Variants in EYS observed in about 807,000 individuals in gnomAD.
EYS encodes protein eyes shut homolog.
A neutral mutation model predicts 282.1 loss-of-function variants in EYS; 250 were observed. The observed-to-expected ratio is 0.89, with a 90% CI of 0.80 to 0.98. The LOEUF is 0.98. EYS is among the 50% of genes least tolerant of loss of function. The pLI, the probability that EYS is intolerant of heterozygous loss-of-function variation, is 0.00. For synonymous variants in EYS, 1,355 were observed against 1,282.9 expected (o/e 1.06, Z -1.20); for missense variants, 4,016 against 3,709.0 (o/e 1.08, Z -2.15).
chr6:64,243,854 ATGTAT>A (rs1248587763), intron 30 of EYS, among the ~76,000 whole-genome samples: 2 of 152,228 alleles, frequency 1.3e-5, no homozygotes, highest in African/African-American at 4.8e-5. Flanking sequence ...ATGAATCACA[ATGTAT>A]TGTATCATTT....
chr6:65,682,825 G>C (rs568543733), intron 1 of EYS, among the ~76,000 whole-genome samples: 2 of 151,986 alleles, frequency 1.3e-5, no homozygotes, highest in South Asian at 4.1e-4. Context: ...AGAAAGAAAA[G>C]AAGGTAAAAT....
intron 22 of EYS, among the ~76,000 whole-genome samples, chr6:64,760,380 AG>A (rs1554200667): frequency 2.0e-5 from 3 of 152,118 alleles, no homozygotes. Flanking sequence ...GAAACCCCTC[AG>A]TCCTAGACAC....
intron 30 of EYS, among the ~76,000 whole-genome samples, chr6:64,235,239 C>T (rs577632096): frequency 2.0e-5 from 3 of 147,558 alleles, no homozygotes; most frequent in African/African-American, 7.5e-5. Context: ...TCCCTCCCCC[C>T]TCCCCCTACC....
chr6:65,501,569 G>C (rs1010118340), intron 2 of EYS, among the ~76,000 whole-genome samples: 1 of 151,696 alleles, frequency 6.6e-6, no homozygotes, highest in African/African-American at 2.4e-5. Flanking sequence ...ATTGTAACTG[G>C]AGTAAAGAAT....
At chr6:63,969,748 C>G (rs1213448530) in intron 35 of EYS, among the ~76,000 whole-genome samples, 1 of 152,162 alleles carries the variant, frequency 6.6e-6, no homozygotes, top group East Asian at 1.9e-4. Flanking sequence ...CCCACAGGAC[C>G]AGTCACATAA....
At position 64,822,792 on chromosome 6, in the gene EYS, C is replaced by T. The variant is rs928941618; in HGVS notation, c.3023G>A (p.Cys1008Tyr). The T allele has an allele frequency of 3.2e-5, 50 of 1,549,552 alleles. No individual in the cohort carries two copies. Among genetic ancestry groups the T allele is most frequent in the African/African-American group, 4.1e-5 (3 of 72,876 alleles). Residue 1008 changes from cysteine (C) to tyrosine (Y), a missense_variant, in exon 20 of 43, where the codon TGC becomes TAC. Physicochemically the swap from Cys to Tyr is radical, Grantham distance 194. Coordinates refer to ENST00000503581, the MANE Select transcript of EYS (RefSeq NM_001142800.2). ...GINCEINLDE[C>Y]LSEPCLHDGV... Reference sequence around the variant, plus strand: ...ATCATGGAGACAGGGCTCTGATAGGCATTCATCTAGATTTATTTCACAGTT... The same window carrying T: ...ATCATGGAGACAGGGCTCTGATAGGTATTCATCTAGATTTATTTCACAGTT...
At chr6:64,899,485 A>G (rs1379324231) in intron 18 of EYS, among the ~76,000 whole-genome samples, 1 of 151,818 alleles carries the variant, frequency 6.6e-6, no homozygotes, top group Non-Finnish European at 1.5e-5. Flanking sequence ...CAGCCCAAAA[A>G]CTCCTTAAGC....
intron 26 of EYS, among the ~76,000 whole-genome samples, chr6:64,579,856 G>GA (rs953614522): frequency 2.0e-5 from 3 of 152,170 alleles, no homozygotes; most frequent in African/African-American, 7.2e-5. Flanking sequence ...AATAAGCTAT[G>GA]ATCTCTTACC....
intron 2 of EYS, among the ~76,000 whole-genome samples, chr6:65,510,018 T>C (rs979598199): frequency 6.6e-6 from 1 of 151,968 alleles, no homozygotes; most frequent in Non-Finnish European, 1.5e-5. Context: ...CTTTTTTTTT[T>C]CTTTTTTTAA....
chr6:64,748,907 G>A, intron 22 of EYS, among the ~76,000 whole-genome samples: 1 of 152,138 alleles, frequency 6.6e-6, no homozygotes, highest in Non-Finnish European at 1.5e-5. Flanking sequence ...CGAGTAGCTG[G>A]GATTACAGGG....
At chr6:64,381,998 T>A (rs1051517172) in intron 29 of EYS, among the ~76,000 whole-genome samples, 1 of 152,198 alleles carries the variant, frequency 6.6e-6, no homozygotes, top group Non-Finnish European at 1.5e-5. Context: ...CCAGTGGATG[T>A]CTTTCAGCCC....
chr6:64,356,725 TAC>T (rs1347230129), intron 29 of EYS, among the ~76,000 whole-genome samples: 4 of 151,634 alleles, frequency 2.6e-5, no homozygotes, highest in Non-Finnish European at 5.9e-5. Context: ...GTTTGCCAAA[TAC>T]ACACAGTTTC....
chr6:64,561,726 A>G (rs575951943), intron 26 of EYS, among the ~76,000 whole-genome samples: 81 of 152,150 alleles, frequency 5.3e-4, no homozygotes, highest in African/African-American at 1.9e-3. Context: ...GTAAGAATCA[A>G]TATCATTAAA....
chr6:63,911,778 T>C (rs912541327), intron 35 of EYS, among the ~76,000 whole-genome samples: 3 of 152,222 alleles, frequency 2.0e-5, no homozygotes, highest in Non-Finnish European at 4.4e-5. Flanking sequence ...CATGAGGTTT[T>C]ATAACTCCAG....
intron 31 of EYS, among the ~76,000 whole-genome samples, chr6:64,172,397 C>T (rs905755171): frequency 3.3e-5 from 5 of 152,160 alleles, no homozygotes; most frequent in Admixed American, 1.3e-4. Flanking sequence ...GTGCCCCTAG[C>T]CCCTGGAAAC....
At chr6:64,805,103 T>TA (rs1217019032) in intron 22 of EYS, among the ~76,000 whole-genome samples, 2 of 152,038 alleles carry the variant, frequency 1.3e-5, no homozygotes, top group Non-Finnish European at 2.9e-5. Context: ...ATTAGTTGCC[T>TA]AAAAAATACA....
intron 19 of EYS, among the ~76,000 whole-genome samples, chr6:64,872,024 G>A (rs1301387470): frequency 3.9e-5 from 6 of 152,018 alleles, no homozygotes. Flanking sequence ...GAAGGGAGTG[G>A]ATATATTAAA....
intron 22 of EYS, among the ~76,000 whole-genome samples, chr6:64,681,429 GA>G (rs1429992639): frequency 6.6e-6 from 1 of 152,100 alleles, no homozygotes; most frequent in Admixed American, 6.5e-5. Context: ...GATGAGGGGG[GA>G]AAATACTAGG....
chr6:64,386,448 C>A (rs1472418318), intron 29 of EYS, among the ~76,000 whole-genome samples: 3 of 152,154 alleles, frequency 2.0e-5, no homozygotes, highest in African/African-American at 7.2e-5. Flanking sequence ...AAAACCATCA[C>A]ATCTCCTGAG....
Sources: allele counts gnomAD v4.1 joint callset (sites outside exome capture counted in the v4.1 genomes callset), GRCh38; gene constraint gnomAD v4.1.1; transcripts MANE v1.5; gene names NCBI Gene and HGNC (gene_info 2026-07-23, HGNC 2026-07-21).